The following VSTM5 variants were observed in gnomAD, a reference collection of about 807,000 sequenced individuals.
VSTM5 encodes V-set and transmembrane domain containing 5, also known as V-set and transmembrane domain-containing protein 5.
In VSTM5, 21 loss-of-function variants were observed where a neutral mutation model predicts 20.3. That is an observed-to-expected ratio of 1.03 (90% CI 0.73 to 1.49). VSTM5 has a LOEUF of 1.49. VSTM5 is among the 40% of genes most tolerant of loss of function. The probability of loss-of-function intolerance (pLI) is 0.00; values close to 1 mark genes in which losing one functional copy is unlikely to be tolerated. For synonymous variants in VSTM5, 100 were observed against 102.5 expected, an observed-to-expected ratio of 0.98 and a Z score of 0.14; for missense variants, 219 against 250.0, an observed-to-expected ratio of 0.88 and a Z score of 0.84.
intron 1 of VSTM5, among the ~76,000 whole-genome samples, chr11:93,845,637 A>G (rs1490648014): frequency 6.6e-6 from 1 of 152,112 alleles, no homozygotes; most frequent in Non-Finnish European, 1.5e-5. Flanking sequence ...CCCATTTTCC[A>G]GGGAAAATCC....
At chr11:93,847,377 C>T (rs1944422526) in intron 1 of VSTM5, among the ~76,000 whole-genome samples, 1 of 152,184 alleles carries the variant, frequency 6.6e-6, no homozygotes, top group South Asian at 2.1e-4. Context: ...CATCCGCCCC[C>T]ACCTTCCACT....
chr11:93,841,850 T>G (rs1227707356), intron 1 of VSTM5, among the ~76,000 whole-genome samples: 1 of 151,954 alleles, frequency 6.6e-6, no homozygotes, highest in African/African-American at 2.4e-5. Context: ...GGATCAAGAG[T>G]GAAAGGACAC....
intron 1 of VSTM5, chr11:93,827,741 A>T (rs1359932499): frequency 6.6e-6 from 1 of 152,156 alleles, no homozygotes; most frequent in Admixed American, 6.5e-5. Context: ...TTAAAAAAAA[A>T]AAAAAAGGAC....
rs1220119704 is a variant in VSTM5, at chr11:93,818,638, G to A, written c.*1931C>T. On this transcript the variant is annotated 3_prime_UTR_variant, in exon 4 of 4. Coordinates refer to ENST00000409977, the MANE Select transcript of VSTM5 (RefSeq NM_001144871.2). Reference sequence around the variant, plus strand: ...ATTGCCAGCCCTGACTTCGGGACAAGCGGAAGAGCAGAGTTCTGAAAGGCA... The same window carrying A: ...ATTGCCAGCCCTGACTTCGGGACAAACGGAAGAGCAGAGTTCTGAAAGGCA... 2.0e-5 allele frequency: 3 copies of A among 151,678 alleles called. No individual in the cohort carries two copies. The highest frequency in any genetic ancestry group is 2.1e-4 in the South Asian group (1 of 4,806). 9.4% of individuals were successfully genotyped at this position (151,678 alleles called of 1,614,324 possible).
intron 1 of VSTM5, among the ~76,000 whole-genome samples, chr11:93,841,836 C>T (rs138359830): frequency 1.1e-3 from 161 of 152,268 alleles, no homozygotes; most frequent in Non-Finnish European, 2.0e-3. Context: ...GAACCAGGGT[C>T]AATGGATCAA....
At position 93,849,029 on chromosome 11, in the gene VSTM5, G is replaced by A. The variant is rs557279878; in HGVS notation, c.91+1383C>T. ...TGCCTCTGTCTTACTGGGTTTCTGAGATTTGCAACCTCTGCAGCTGGGTTC... is the reference window on the plus strand; with the variant it reads ...TGCCTCTGTCTTACTGGGTTTCTGAAATTTGCAACCTCTGCAGCTGGGTTC... On this transcript the variant is annotated intron_variant, in intron 1 of 3. Transcript: ENST00000409977. Among the ~76,000 whole-genome samples, 66 of 152,328 alleles carry A rather than the reference G, an allele frequency of 4.3e-4. No homozygotes were observed. The South Asian group carries it at 6.8e-3, about 16-fold the overall frequency.
intron 1 of VSTM5, among the ~76,000 whole-genome samples, chr11:93,840,155 GCCA>G (rs1258310878): frequency 6.6e-6 from 1 of 152,164 alleles, no homozygotes; most frequent in Non-Finnish European, 1.5e-5. Flanking sequence ...TGTTGTATAA[GCCA>G]CCCTAGCAAA....
At chr11:93,837,873 G>A (rs7125525) in intron 1 of VSTM5, among the ~76,000 whole-genome samples, 30,458 of 151,988 alleles carry the variant, frequency 0.2, 3,684 homozygotes, top group African/African-American at 0.34. Flanking sequence ...AAACAGGTAA[G>A]CTGCTTCTCT....
At chr11:93,845,625 A>G (rs901252499) in intron 1 of VSTM5, among the ~76,000 whole-genome samples, 1 of 152,162 alleles carries the variant, frequency 6.6e-6, no homozygotes, top group Non-Finnish European at 1.5e-5. Flanking sequence ...TCCAACTCCA[A>G]GCCCATTTTC....
intron 1 of VSTM5, among the ~76,000 whole-genome samples, chr11:93,824,204 G>A (rs1219698531): frequency 6.6e-6 from 1 of 151,984 alleles, no homozygotes; most frequent in Non-Finnish European, 1.5e-5. Flanking sequence ...CACCATGCCC[G>A]GCTATTACTT....
intron 1 of VSTM5, among the ~76,000 whole-genome samples, chr11:93,831,309 G>A (rs75969847): frequency 0.046 from 7,031 of 152,138 alleles, 508 homozygotes; most frequent in African/African-American, 0.16. Context: ...GATTACAGGC[G>A]GCACAGTTTT....
chr11:93,825,377 A>G (rs115337507), intron 1 of VSTM5, among the ~76,000 whole-genome samples: 3,323 of 152,268 alleles, frequency 0.022, 109 homozygotes, highest in African/African-American at 0.067. Flanking sequence ...ACCATGTTGT[A>G]CAAGCTGGTC....
intron 1 of VSTM5, among the ~76,000 whole-genome samples, chr11:93,833,889 C>T (rs1174972918): frequency 2.0e-5 from 3 of 151,998 alleles, no homozygotes; most frequent in Non-Finnish European, 2.9e-5. Context: ...GCCTCCACAC[C>T]TTCTCTCCTT....
intron 1 of VSTM5, among the ~76,000 whole-genome samples, chr11:93,834,953 T>C (rs1002784507): frequency 1.3e-5 from 2 of 152,086 alleles, no homozygotes; most frequent in Admixed American, 1.3e-4. Flanking sequence ...GTTAATAGAT[T>C]AGTGGGTTAT....
intron 1 of VSTM5, 127 bp from the exon 2 acceptor site, chr11:93,821,450 G>A (rs1944185457): frequency 3.3e-6 from 3 of 921,802 alleles, no homozygotes; most frequent in Non-Finnish European, 4.8e-6. Flanking sequence ...AACTGTTCTA[G>A]GTTCTGGTGC....
At chr11:93,821,432 A>T in intron 1 of VSTM5, 109 bp from the exon 2 acceptor site, 1 of 1,072,022 alleles carries the variant, frequency 9.3e-7, no homozygotes, top group Non-Finnish European at 1.3e-6. Flanking sequence ...TGCCTATTAT[A>T]TGCCAGGAAC....
At chr11:93,830,160 G>A (rs571552840) in intron 1 of VSTM5, among the ~76,000 whole-genome samples, 1 of 152,300 alleles carries the variant, frequency 6.6e-6, no homozygotes, top group East Asian at 1.9e-4. Flanking sequence ...GGTGGGGGCA[G>A]GGCAGAGGCA....
In VSTM5 at chr11:93,824,114, G is replaced by A. The variant is rs569036049; in HGVS notation, c.92-2791C>T. Among the ~76,000 whole-genome samples the A allele has an allele frequency of 2.6e-5, 4 of 152,098 alleles. No homozygotes were observed. The East Asian group carries it at 7.7e-4, about 29-fold the overall frequency. ...GTAGAGATGGGGTTTCACCATGTTG[G>A]TCAGGCTGGCCTCGAACTCCCGACA... On this transcript the variant is annotated intron_variant, in intron 1 of 3. Transcript: ENST00000409977.
chr11:93,846,287 G>A (rs774471283), intron 1 of VSTM5, among the ~76,000 whole-genome samples: 2 of 152,154 alleles, frequency 1.3e-5, no homozygotes, highest in Non-Finnish European at 2.9e-5. Flanking sequence ...GGAGAGGAGA[G>A]TCTCCTGGCC....
Sources: allele counts gnomAD v4.1 joint callset (sites outside exome capture counted in the v4.1 genomes callset), GRCh38; gene constraint gnomAD v4.1.1; transcripts MANE v1.5; gene names NCBI Gene and HGNC (gene_info 2026-07-23, HGNC 2026-07-21).